The following KATNIP variants were observed in gnomAD, a reference collection of about 807,000 sequenced individuals.
The protein encoded by KATNIP is katanin-interacting protein.
Under a neutral mutation model 174.0 loss-of-function variants are expected in KATNIP, and 126 were observed. The ratio of observed to expected loss-of-function variants is 0.72; its 90% CI spans 0.63 to 0.84. The LOEUF is 0.84. Among genes scored for constraint, KATNIP ranks in the 40% least tolerant of loss-of-function variants. The pLI, the probability that KATNIP is intolerant of heterozygous loss-of-function variation, is 0.00. For synonymous variants in KATNIP, 810 were observed against 835.7 expected (o/e 0.97, Z 0.53); for missense variants, 1,958 against 2,109.7 (o/e 0.93, Z 1.41).
At chr16:27,715,862 C>A (rs149185537) in intron 13 of KATNIP, among the ~76,000 whole-genome samples, 194 of 152,126 alleles carry the variant, frequency 1.3e-3, no homozygotes, top group African/African-American at 3.9e-3. Context: ...AATGGTGCAG[C>A]CCCTGTGGAA....
At chr16:27,561,693 GGTGTGTGTGTATGT>G (rs1004726257) in intron 1 of KATNIP, among the ~76,000 whole-genome samples, 3 of 152,240 alleles carry the variant, frequency 2.0e-5, no homozygotes, top group Admixed American at 2.0e-4. Context: ...TGCAGTGTGT[GGTGTGTGTGTATGT>G]GTGTGTGTGT....
rs369108322 is a variant in KATNIP, at chr16:27,631,734, C to T, written c.408+572C>T. 7.2e-5 allele frequency among the ~76,000 whole-genome samples: 11 copies of T among 152,224 alleles called. No individual in the cohort carries two copies. The East Asian group carries it at 1.4e-3, about 19-fold the overall frequency. ...GACTCAGAGTCCCATCATGATGACT[C>T]ATTCATTCAGCTATTTTTTTATTGA... is the stretch of plus-strand genomic sequence containing the variant. On this transcript the variant is annotated intron_variant, in intron 5 of 27. Transcript: ENST00000261588.
At chr16:27,767,761 G>A (rs890294804) in intron 20 of KATNIP, among the ~76,000 whole-genome samples, 33 of 152,232 alleles carry the variant, frequency 2.2e-4, no homozygotes, top group Admixed American at 3.3e-4. Flanking sequence ...CAGCAGGATC[G>A]GCAGCCCCTG....
intron 14 of KATNIP, among the ~76,000 whole-genome samples, chr16:27,722,815 C>G (rs1004200995): frequency 6.6e-6 from 1 of 152,226 alleles, no homozygotes; most frequent in Non-Finnish European, 1.5e-5. Context: ...TCCCAACATG[C>G]CCAGTGAGCT....
intron 13 of KATNIP, chr16:27,709,155 C>CA (rs1276098913): frequency 2.3e-5 from 10 of 428,934 alleles, no homozygotes; most frequent in Admixed American, 1.2e-4. Flanking sequence ...CCTGTCTCTA[C>CA]AAAAAACACA....
chr16:27,561,189 T>A lies in KATNIP; in HGVS notation c.7+11012T>A, dbSNP rs549817478. ...ACCATGCCTGTCTAATTTTTGTATT[T>A]TTTTTTTTTTTTCAGTAGGGACGGG... On this transcript the variant is annotated intron_variant, in intron 1 of 27. Coordinates refer to ENST00000261588, the MANE Select transcript of KATNIP (RefSeq NM_015202.5). Among the ~76,000 whole-genome samples the A allele has an allele frequency of 1.0e-3, 154 of 151,258 alleles. 1 individual carries two copies. Among genetic ancestry groups the A allele is most frequent in the Non-Finnish European group, 1.7e-3 (117 of 67,672 alleles).
intron 8 of KATNIP, among the ~76,000 whole-genome samples, chr16:27,688,569 C>T (rs2078605183): frequency 6.6e-6 from 1 of 152,180 alleles, no homozygotes; most frequent in Admixed American, 6.6e-5. Context: ...CCAGCCTGGG[C>T]AACAGAGTGA....
chr16:27,773,090 G>A lies in KATNIP; in HGVS notation c.4199-9G>A, dbSNP rs910721911. On this transcript the variant is annotated splice_polypyrimidine_tract_variant and intron_variant, in intron 22 of 27. Coordinates refer to ENST00000261588, the MANE Select transcript of KATNIP (RefSeq NM_015202.5). ...ATTAAGCCTTCTTTTCCTTAATAAAGTGTCCCAGTCATTTTCCAGTTTCAG... is the reference window on the plus strand; with the variant it reads ...ATTAAGCCTTCTTTTCCTTAATAAAATGTCCCAGTCATTTTCCAGTTTCAG... 1.3e-6 allele frequency: 2 copies of A among 1,536,134 alleles called. No individual in the cohort carries two copies. Among genetic ancestry groups the A allele is most frequent in the Non-Finnish European group, 1.8e-6 (2 of 1,120,632 alleles).
chr16:27,707,146 T>A (rs1167509669), intron 12 of KATNIP, among the ~76,000 whole-genome samples: 1 of 152,214 alleles, frequency 6.6e-6, no homozygotes, highest in Non-Finnish European at 1.5e-5. Context: ...TCTCGCTGGC[T>A]ATTAATTAAA....
intron 6 of KATNIP, among the ~76,000 whole-genome samples, chr16:27,650,613 C>T: frequency 6.6e-6 from 1 of 152,160 alleles, no homozygotes; most frequent in East Asian, 1.9e-4. Flanking sequence ...GTGAGAAGGA[C>T]TCTTACTGGA....
chr16:27,634,287 G>T (rs954555151), intron 5 of KATNIP, among the ~76,000 whole-genome samples: 88 of 152,276 alleles, frequency 5.8e-4, no homozygotes, highest in African/African-American at 2.0e-3. Flanking sequence ...TCAGTCAGGG[G>T]TCAGTCAGTG....
In KATNIP at chr16:27,703,924, C is replaced by G. The variant is rs770845406; in HGVS notation, c.1315C>G (p.Gln439Glu). The stretch of plus-strand genomic sequence containing the variant: ...ACAGCAGAAGCTTCTGAAAGTCCTC[C>G]AGGCCGTCGAAAGTGACTCTGCCCA... ...RQQQKLLKVL[Q>E]AVESDSAHLG... The change falls in exon 12 of 28, where the codon CAG becomes GAG. Residue 439 changes from glutamine (Q) to glutamate (E), a missense_variant. Physicochemically the swap from Gln to Glu is conservative, Grantham distance 29. Around this residue, in one of 3 missense-constraint regions of KATNIP, gnomAD observed 1,557 missense variants for 1,617.8 expected, o/e 0.96. Coordinates refer to ENST00000261588, the MANE Select transcript of KATNIP (RefSeq NM_015202.5). 1 of 1,614,196 alleles carries G rather than the reference C, an allele frequency of 6.2e-7. No individual in the cohort carries two copies. Among genetic ancestry groups the G allele is most frequent in the Admixed American group, 1.7e-5 (1 of 60,030 alleles).
chr16:27,615,293 C>CTT (rs528705562), intron 2 of KATNIP, among the ~76,000 whole-genome samples: 10 of 129,384 alleles, frequency 7.7e-5, no homozygotes, highest in African/African-American at 1.7e-4. Flanking sequence ...CACATCTGGC[C>CTT]TTTTTTTTTT....
chr16:27,613,222 C>T (rs1041380599), intron 2 of KATNIP, among the ~76,000 whole-genome samples: 13 of 152,062 alleles, frequency 8.5e-5, no homozygotes, highest in African/African-American at 2.4e-4. Flanking sequence ...TGCAGTGAGC[C>T]GAAATCGCAC....
At chr16:27,716,137 G>A (rs1316415808) in intron 13 of KATNIP, among the ~76,000 whole-genome samples, 1 of 152,144 alleles carries the variant, frequency 6.6e-6, no homozygotes. Flanking sequence ...AAGAACTATT[G>A]CTACATGCTA....
At chr16:27,609,235 AG>A (rs2075811921) in intron 2 of KATNIP, among the ~76,000 whole-genome samples, 1 of 152,250 alleles carries the variant, frequency 6.6e-6, no homozygotes, top group East Asian at 1.9e-4. Context: ...AATAAATAAA[AG>A]GTGTAATAAG....
intron 6 of KATNIP, among the ~76,000 whole-genome samples, chr16:27,668,381 A>G (rs1362792701): frequency 6.6e-6 from 1 of 152,084 alleles, no homozygotes; most frequent in Admixed American, 6.6e-5. Context: ...AGGAGATCTG[A>G]TGGTTTTTAA....
intron 10 of KATNIP, 46 bp downstream of exon 10, chr16:27,699,645 TA>T (rs1229242316): frequency 3.7e-6 from 6 of 1,611,900 alleles, no homozygotes; most frequent in Non-Finnish European, 4.2e-6. Flanking sequence ...CGCATGTGCG[TA>T]GCTCCCGATG....
At chr16:27,579,364 T>C (rs2090609954) in intron 2 of KATNIP, among the ~76,000 whole-genome samples, 1 of 152,214 alleles carries the variant, frequency 6.6e-6, no homozygotes, top group African/African-American at 2.4e-5. Context: ...CTGTGTGACC[T>C]TGGACTTGAG....
Sources: allele counts gnomAD v4.1 joint callset (sites outside exome capture counted in the v4.1 genomes callset), GRCh38; gene constraint gnomAD v4.1.1; regional missense constraint gnomAD v4.1.1; transcripts MANE v1.5; gene names NCBI Gene and HGNC (gene_info 2026-07-23, HGNC 2026-07-21).